Variants in SLA2 observed in about 807,000 individuals in gnomAD.
SLA2 encodes the protein Src like adaptor 2.
A neutral mutation model predicts 27.3 loss-of-function variants in SLA2; 22 were observed. The observed-to-expected ratio is 0.81, with a 90% CI of 0.58 to 1.15. SLA2 has a LOEUF of 1.15. Among genes scored for constraint, SLA2 ranks in the 50% most tolerant of loss-of-function variants. The pLI is 0.00. For missense variants in SLA2, 304 were observed against 322.2 expected, an observed-to-expected ratio of 0.94 and a Z score of 0.43; for synonymous variants, 131 against 137.8, an observed-to-expected ratio of 0.95 and a Z score of 0.34.
chr20:36,614,474 C>A (rs897076215), intron 6 of SLA2, 37 bp from the exon 7 acceptor site: 2 of 1,565,522 alleles, frequency 1.3e-6, no homozygotes, highest in Non-Finnish European at 1.7e-6. Context: ...ATGACTGACT[C>A]CACCCTACTT....
At chr20:36,644,563 AG>A (rs1438884392) in intron 1 of SLA2, among the ~76,000 whole-genome samples, 2 of 152,206 alleles carry the variant, frequency 1.3e-5, no homozygotes, top group Non-Finnish European at 2.9e-5. Context: ...AGATGGAGAC[AG>A]GGGAGCTGTA....
chr20:36,618,457 TGAAC>T (rs1359581536), intron 5 of SLA2, among the ~76,000 whole-genome samples: 3 of 151,848 alleles, frequency 2.0e-5, no homozygotes, highest in Non-Finnish European at 4.4e-5. Context: ...AGGTTGGTCT[TGAAC>T]TCCTGACCTT....
rs1300877268 is a variant in SLA2, at chr20:36,613,926, C to T, written c.726G>A (p.Arg242=). 2.5e-6 allele frequency: 4 copies of T among 1,614,054 alleles called. No individual in the cohort carries two copies. Among genetic ancestry groups the T allele is most frequent in the Middle Eastern group, 1.6e-4 (1 of 6,062 alleles). Residue 242 remains arginine (R), a synonymous_variant, in exon 8 of 8, where the codon CGG becomes CGA. Coordinates refer to ENST00000262866, the MANE Select transcript of SLA2 (RefSeq NM_032214.4). ...GEESLLSEGL[R]ESLSFYISLN... is the part of the protein sequence containing the mutation. ...GGCTGATGTAGAAGCTGAGGGACTC[C>T]CGGAGACCCTCACTGAGAAGAGACT...
chr20:36,615,632 G>A (rs534948863), intron 5 of SLA2, among the ~76,000 whole-genome samples: 31 of 152,276 alleles, frequency 2.0e-4, no homozygotes, highest in African/African-American at 6.0e-4. Context: ...AACATTCAGC[G>A]TTGGCTGTTC....
intron 2 of SLA2, among the ~76,000 whole-genome samples, chr20:36,639,459 A>G (rs1355576400): frequency 1.3e-5 from 2 of 152,010 alleles, no homozygotes; most frequent in Admixed American, 6.6e-5. Context: ...GAACCCTAAT[A>G]TATTATCGAA....
rs1161606596 is a variant in SLA2, at chr20:36,614,412, TAGG to T, written c.555_557del (p.Cys185_Leu186delinsTer). ...TCTGCAGGACACAGGGCTCCTTGAG[TAGG>T]CAGCAGATGTCATCCGCCAGCTCTG... On this transcript the variant is annotated stop_gained and inframe_deletion, in exon 7 of 8. Transcript: ENST00000262866. LOFTEE classifies it high-confidence loss of function. The T allele has an allele frequency of 6.2e-7, 1 of 1,612,104 alleles. No homozygotes were observed. The highest frequency in any genetic ancestry group is 8.5e-7 in the Non-Finnish European group (1 of 1,179,122).
chr20:36,627,061 C>G (rs1305885765), intron 5 of SLA2, among the ~76,000 whole-genome samples: 1 of 151,464 alleles, frequency 6.6e-6, no homozygotes, highest in Non-Finnish European at 1.5e-5. Flanking sequence ...GTGAGCTTGC[C>G]GTGAGGAGAA....
In SLA2 at chr20:36,615,327, G is replaced by C; in HGVS notation, c.430C>G (p.Arg144Gly). The C allele has an allele frequency of 6.2e-7, 1 of 1,614,092 alleles. No homozygotes were observed. Among genetic ancestry groups the C allele is most frequent in the Middle Eastern group, 1.7e-4 (1 of 6,060 alleles). ...CAGTGGATCCTGTAGTGTCTGATCC[G>C]GTCCCAGGATGCAGGGCGGCTGAGG... ...VRLSRPASWD[R>G]IRHYRIHCLD... Residue 144 changes from arginine (R) to glycine (G), a missense_variant, in exon 6 of 8, where the codon CGG becomes GGG. Transcript: ENST00000262866.
chr20:36,630,426 C>T (rs537571657), intron 5 of SLA2, among the ~76,000 whole-genome samples: 79 of 152,278 alleles, frequency 5.2e-4, no homozygotes, highest in Middle Eastern at 6.8e-3. Context: ...CATATCAAGG[C>T]GGGCGCCAGG....
In SLA2 at chr20:36,641,452, C is replaced by A; in HGVS notation, c.-43-74G>T. The A allele has an allele frequency of 8.6e-6, 7 of 809,378 alleles. No individual in the cohort carries two copies. The Admixed American group carries it at 1.5e-4, about 17-fold the overall frequency. 50.1% of individuals were successfully genotyped at this position (809,378 alleles called of 1,614,324 possible). The stretch of plus-strand genomic sequence containing the variant: ...CTCAGATACCTCTCCCTCCCCAGAT[C>A]GGCCCTGGCTACCTCCTCACAGAGC... On this transcript the variant is annotated intron_variant, in intron 1 of 7. Coordinates refer to ENST00000262866, the MANE Select transcript of SLA2 (RefSeq NM_032214.4).
At chr20:36,614,529 A>AG (rs2039184745) in intron 6 of SLA2, 92 bp from the exon 7 acceptor site, 8 of 1,505,814 alleles carry the variant, frequency 5.3e-6, no homozygotes, top group Middle Eastern at 2.4e-4. Flanking sequence ...AGTTGGCAGG[A>AG]GGGGGCATGG....
chr20:36,619,516 ACT>A (rs946753577), intron 5 of SLA2, among the ~76,000 whole-genome samples: 4 of 150,112 alleles, frequency 2.7e-5, no homozygotes, highest in African/African-American at 9.8e-5. Context: ...ATATAGCAAG[ACT>A]CTGTGTCAAA....
intron 2 of SLA2, among the ~76,000 whole-genome samples, chr20:36,640,032 G>A (rs1004210594): frequency 1.3e-5 from 2 of 152,188 alleles, no homozygotes; most frequent in African/African-American, 4.8e-5. Context: ...CAAGGGCCAG[G>A]CATGGTGGCT....
Position 36,633,631 on chromosome 20 carries a change from T to C in SLA2, c.192-2A>G. ...AGCACCGTCCACCAGTCTCCATCCC[T>C]GGAGAGAGAAAGGAGTGGGGGCACC... On this transcript the variant is annotated splice_acceptor_variant, in intron 3 of 7. Coordinates refer to ENST00000262866, the MANE Select transcript of SLA2 (RefSeq NM_032214.4). LOFTEE classifies it high-confidence loss of function. The C allele has an allele frequency of 6.2e-7, 1 of 1,612,968 alleles. No homozygotes were observed.
chr20:36,641,454 G>C (rs577008557), intron 1 of SLA2, 76 bp from the exon 2 acceptor site: 70 of 788,076 alleles, frequency 8.9e-5, no homozygotes, highest in Middle Eastern at 2.4e-4. Flanking sequence ...CCCCAGATCG[G>C]CCCTGGCTAC....
At chr20:36,627,154 T>C (rs1176652176) in intron 5 of SLA2, among the ~76,000 whole-genome samples, 1 of 152,166 alleles carries the variant, frequency 6.6e-6, no homozygotes, top group African/African-American at 2.4e-5. Context: ...ACAGAGTGGC[T>C]GGTGGGCAGA....
intron 2 of SLA2, among the ~76,000 whole-genome samples, chr20:36,635,662 G>T (rs889737212): frequency 1.3e-5 from 2 of 152,116 alleles, no homozygotes; most frequent in African/African-American, 2.4e-5. Flanking sequence ...GAGGCATAAG[G>T]CCTGGCCATT....
Position 36,613,891 on chromosome 20 carries a change from T to C in SLA2, c.761A>G (p.Glu254Gly). 6.2e-7 allele frequency: 1 copy of C among 1,613,882 alleles called. No homozygotes were observed. The highest frequency in any genetic ancestry group is 8.5e-7 in the Non-Finnish European group (1 of 1,179,946). ...SLSFYISLND[E>G]AVSLDDA ...CTAGGCATCATCCAAAGAGACAGCC[T>C]CGTCATTCAGGCTGATGTAGAAGCT... is the stretch of plus-strand genomic sequence containing the variant. Residue 254 changes from glutamate to glycine, a missense_variant, in exon 8 of 8, where the codon GAG becomes GGG. By Grantham distance (98) the Glu-to-Gly change is moderately conservative. Transcript: ENST00000262866.
At chr20:36,621,510 C>T (rs1003549565) in intron 5 of SLA2, 7 of 279,254 alleles carry the variant, frequency 2.5e-5, no homozygotes, top group East Asian at 2.2e-4. Flanking sequence ...GGCGCGATCT[C>T]GGCTCACTGC....
Sources: allele counts gnomAD v4.1 joint callset (sites outside exome capture counted in the v4.1 genomes callset), GRCh38; gene constraint gnomAD v4.1.1; transcripts MANE v1.5; gene names NCBI Gene and HGNC (gene_info 2026-07-23, HGNC 2026-07-21).